LINGO2: variants seen among roughly 807,000 people sequenced by gnomAD.
LINGO2 encodes the protein leucine-rich repeat and immunoglobulin-like domain-containing nogo receptor-interacting protein 2.
In LINGO2, 14 loss-of-function variants were observed where a neutral mutation model predicts 30.6. The ratio of observed to expected loss-of-function variants is 0.46; its 90% CI spans 0.30 to 0.72. LINGO2 has a LOEUF of 0.72. Among genes scored for constraint, LINGO2 ranks in the 30% least tolerant of loss-of-function variants. The pLI is 0.07. For missense variants in LINGO2, 729 were observed against 751.7 expected, an observed-to-expected ratio of 0.97 and a Z score of 0.35; for synonymous variants, 317 against 288.5, an observed-to-expected ratio of 1.10 and a Z score of -1.00.
rs1820004711 is a variant in LINGO2 at position 28,353,467 on chromosome 9, C to T, written c.-246+19369G>A. ...ACCACAATGAGATACCATCTCACAC[C>T]AGTTAGAATGGCATTCATTAAAAAG... is the stretch of plus-strand genomic sequence containing the variant. On this transcript the variant is annotated intron_variant, in intron 3 of 5. Coordinates refer to ENST00000379992, the Ensembl canonical transcript of LINGO2. Among the ~76,000 whole-genome samples the T allele has an allele frequency of 3.3e-5, 5 of 151,946 alleles. No homozygotes were observed. In the South Asian group the frequency reaches 1.0e-3, roughly 32 times the overall value.
At chr9:28,735,796 G>C in the LINGO2 span, among the ~76,000 whole-genome samples, 132 of 152,004 alleles carry the variant, frequency 8.7e-4, no homozygotes, top group Admixed American at 1.1e-3. Context: ...TTGTCAGAGA[G>C]CTTCTAGAGA....
the LINGO2 span, among the ~76,000 whole-genome samples, chr9:28,692,210 C>T: frequency 6.6e-6 from 1 of 152,116 alleles, no homozygotes; most frequent in Non-Finnish European, 1.5e-5. Context: ...CATGGTGGCT[C>T]ACACCTGTAA....
intron 1 of LINGO2, among the ~76,000 whole-genome samples, chr9:28,563,108 A>G (rs1823189852): frequency 1.3e-5 from 2 of 152,210 alleles, no homozygotes; most frequent in South Asian, 4.1e-4. Flanking sequence ...TGGCCTCCCA[A>G]AGTGCTGGAA....
intron 5 of LINGO2, among the ~76,000 whole-genome samples, chr9:27,955,944 T>G (rs935204579): frequency 5.9e-5 from 8 of 135,034 alleles, no homozygotes; most frequent in African/African-American, 2.8e-4. Context: ...ACTTTTTTTT[T>G]TTTTTTTTTT....
At chr9:28,133,052 CAGGAA>C (rs1234224840) in intron 4 of LINGO2, among the ~76,000 whole-genome samples, 10 of 147,932 alleles carry the variant, frequency 6.8e-5, no homozygotes, top group African/African-American at 2.5e-4. Context: ...CACAAAAATA[CAGGAA>C]GGCAGAAAAA....
At chr9:29,151,385 T>C in the LINGO2 span, among the ~76,000 whole-genome samples, 1 of 152,062 alleles carries the variant, frequency 6.6e-6, no homozygotes, top group South Asian at 2.1e-4. Flanking sequence ...TATGACAGGA[T>C]CAAAAGCTAT....
chr9:28,541,434 A>G (rs1199160824), intron 1 of LINGO2, among the ~76,000 whole-genome samples: 9 of 152,192 alleles, frequency 5.9e-5, no homozygotes, highest in Admixed American at 1.3e-4. Flanking sequence ...ATTTTTAAGA[A>G]CAACATTCAT....
chr9:28,151,264 T>G (rs958165239), intron 4 of LINGO2, among the ~76,000 whole-genome samples: 1 of 152,168 alleles, frequency 6.6e-6, no homozygotes, highest in East Asian at 1.9e-4. Context: ...AGTAAGAGAT[T>G]GATAGAAAAA....
chr9:28,216,536 T>G (rs749110577), intron 4 of LINGO2, among the ~76,000 whole-genome samples: 17 of 151,974 alleles, frequency 1.1e-4, no homozygotes, highest in Non-Finnish European at 1.8e-4. Context: ...ATTTTCGTGT[T>G]GACAACATAA....
chr9:28,169,921 C>T (rs1292767419), intron 4 of LINGO2, among the ~76,000 whole-genome samples: 1 of 152,156 alleles, frequency 6.6e-6, no homozygotes, highest in African/African-American at 2.4e-5. Context: ...TCCAACGAGG[C>T]CTTCTCTAGT....
the LINGO2 span, among the ~76,000 whole-genome samples, chr9:29,050,156 G>T: frequency 6.6e-6 from 1 of 152,060 alleles, no homozygotes; most frequent in Middle Eastern, 3.2e-3. Context: ...CTCACCAGTA[G>T]CTGGGATTAC....
chr9:28,248,103 G>T (rs1443273368), intron 4 of LINGO2, among the ~76,000 whole-genome samples: 2 of 152,082 alleles, frequency 1.3e-5, no homozygotes, highest in African/African-American at 2.4e-5. Flanking sequence ...TCTCACTTTC[G>T]GGTATGTATC....
At chr9:28,591,401 AT>A (rs1401976976) in intron 1 of LINGO2, among the ~76,000 whole-genome samples, 1 of 152,130 alleles carries the variant, frequency 6.6e-6, no homozygotes, top group Admixed American at 6.6e-5. Context: ...GCAGAAAAAA[AT>A]AATAATAAGC....
At chr9:28,683,852 T>C in the LINGO2 span, among the ~76,000 whole-genome samples, 1 of 152,186 alleles carries the variant, frequency 6.6e-6, no homozygotes, top group Non-Finnish European at 1.5e-5. Flanking sequence ...TAGTAGATGC[T>C]CATTAGATAT....
chr9:28,351,316 A>C (rs1410714947), intron 3 of LINGO2, among the ~76,000 whole-genome samples: 5 of 143,524 alleles, frequency 3.5e-5, no homozygotes, highest in Middle Eastern at 3.7e-3. Flanking sequence ...GATAAAGGGG[A>C]TATCACCACC....
At chr9:27,992,778 T>C (rs1587635686) in intron 5 of LINGO2, among the ~76,000 whole-genome samples, 2 of 148,010 alleles carry the variant, frequency 1.4e-5, no homozygotes, top group East Asian at 4.0e-4. Flanking sequence ...AAATGAAAGT[T>C]TGGTGAGGGA....
the LINGO2 span, among the ~76,000 whole-genome samples, chr9:28,775,709 A>C: frequency 6.6e-6 from 1 of 152,164 alleles, no homozygotes; most frequent in Non-Finnish European, 1.5e-5. Flanking sequence ...ATGTAATTTT[A>C]AGAAATGTGC....
chr9:28,087,517 G>A (rs1173716567), intron 4 of LINGO2, among the ~76,000 whole-genome samples: 1 of 151,996 alleles, frequency 6.6e-6, no homozygotes, highest in Non-Finnish European at 1.5e-5. Context: ...AAGATTGAAA[G>A]TTTACCTGTG....
At chr9:29,088,759 T>A in the LINGO2 span, among the ~76,000 whole-genome samples, 34,937 of 151,958 alleles carry the variant, frequency 0.23, 4,494 homozygotes, top group African/African-American at 0.35. Context: ...TGCATTTATC[T>A]GAAAAAATTA....
Sources: gnomAD v4.1 joint callset for allele counts (sites outside exome capture counted in the v4.1 genomes callset) on GRCh38, gnomAD v4.1.1 for gene constraint, MANE v1.5 for transcripts, NCBI Gene and HGNC (gene_info 2026-07-23, HGNC 2026-07-21) for gene names.